Variants in ZDHHC15 observed in about 807,000 individuals in gnomAD.
ZDHHC15 encodes the protein palmitoyltransferase ZDHHC15.
In ZDHHC15, 19 loss-of-function variants were observed where a neutral mutation model predicts 31.7. The ratio of observed to expected loss-of-function variants is 0.60; its 90% CI spans 0.42 to 0.88. The LOEUF is 0.88. ZDHHC15 is among the 40% of genes least tolerant of loss of function. ZDHHC15 has a pLI of 0.00. For synonymous variants in ZDHHC15, 103 were observed against 90.0 expected (o/e 1.14, Z -0.82); for missense variants, 209 against 251.2 (o/e 0.83, Z 1.14).
intron 10 of ZDHHC15, among the ~76,000 whole-genome samples, chrX:75,412,083 T>G (rs2083491074): frequency 8.9e-6 from 1 of 112,015 alleles, no homozygotes; most frequent in South Asian, 3.7e-4. Context: ...GATATCACCT[T>G]CCACCAGTTA....
At chrX:75,506,400 C>G (rs954245649) in intron 1 of ZDHHC15, among the ~76,000 whole-genome samples, 1 of 111,422 alleles carries the variant, frequency 9.0e-6, no homozygotes, top group Non-Finnish European at 1.9e-5. Context: ...TTTCTTCAGG[C>G]CTTTCATCAG....
In ZDHHC15 at chrX:75,372,561, T is replaced by G. The variant is rs2083014537; in HGVS notation, c.*417A>C. ...CACACAAGCAGCAAATGTAGTTTGA[T>G]TCCCTTCAACACCAAAAAGGCCCTA... is the stretch of plus-strand genomic sequence containing the variant. On this transcript the variant is annotated 3_prime_UTR_variant, in exon 12 of 12. Coordinates refer to ENST00000373367, the MANE Select transcript of ZDHHC15 (RefSeq NM_144969.3). The G allele has an allele frequency of 9.0e-6, 1 of 111,729 alleles. No individual in the cohort carries two copies. The highest frequency in any genetic ancestry group is 3.2e-5 in the African/African-American group (1 of 30,773). The allele number at this position is 111,729 out of a possible 1,213,427, so 9.2% of individuals were successfully genotyped here. A position where few individuals can be genotyped will look rare whatever the true frequency, so the allele number is the denominator to read the frequency against.
intron 3 of ZDHHC15, among the ~76,000 whole-genome samples, chrX:75,455,628 G>T (rs1207797455): frequency 9.0e-6 from 1 of 111,418 alleles, no homozygotes; most frequent in Admixed American, 9.6e-5. Context: ...TCTGACAATG[G>T]GCTAATATCC....
intron 10 of ZDHHC15, among the ~76,000 whole-genome samples, chrX:75,403,382 C>A (rs1322135872): frequency 1.8e-5 from 2 of 111,743 alleles, no homozygotes; most frequent in Admixed American, 1.9e-4. Flanking sequence ...CTAGCCAAAA[C>A]AATCAGGAAA....
Position 75,446,570 on chromosome X carries a change from C to T in ZDHHC15, c.379+4232G>A, listed in dbSNP as rs1344774413. Among the ~76,000 whole-genome samples the T allele has an allele frequency of 2.4e-4, 27 of 112,183 alleles. 1 individual carries two copies. The Admixed American group carries it at 2.6e-3, about 11-fold the overall frequency. ...TTTGTATCTTGTGTGAACACTCACT[C>T]ATGGTTGATCACATGTTTTACTCCA... On this transcript the variant is annotated intron_variant, in intron 4 of 11. Transcript: ENST00000373367.
intron 10 of ZDHHC15, among the ~76,000 whole-genome samples, chrX:75,409,814 AAAAAAAC>A (rs2083464492): frequency 2.0e-5 from 2 of 99,887 alleles, no homozygotes; most frequent in African/African-American, 7.1e-5. Context: ...AAAAAAAAAA[AAAAAAAC>A]AACAACAACA....
intron 10 of ZDHHC15, chrX:75,384,240 T>A (rs190623921): frequency 2.0e-6 from 1 of 488,619 alleles, no homozygotes; most frequent in Admixed American, 2.9e-5. Context: ...ATGTGAAGAA[T>A]ACACTGGTAA....
chrX:75,377,408 A>G (rs1226776561), intron 11 of ZDHHC15, among the ~76,000 whole-genome samples: 1 of 109,835 alleles, frequency 9.1e-6, no homozygotes, highest in African/African-American at 3.3e-5. Context: ...AGGCAGAAGA[A>G]TCACTTGAAC....
At chrX:75,442,367 G>A (rs747906535) in intron 4 of ZDHHC15, among the ~76,000 whole-genome samples, 22 of 111,756 alleles carry the variant, frequency 2.0e-4, no homozygotes, top group African/African-American at 6.5e-4. Flanking sequence ...CAAATTGTCC[G>A]TGTTTGCAGA....
At position 75,475,532 on chromosome X, in the gene ZDHHC15, T is replaced by C. The variant is rs2084590869; in HGVS notation, c.258+3359A>G. On this transcript the variant is annotated intron_variant, in intron 3 of 11. Transcript: ENST00000373367. ...GTTGTTGAAGATTTCTGACCAAATA[T>C]GCAAGTGTTTGTTGTTGGGCTCTTT... Among the ~76,000 whole-genome samples the C allele has an allele frequency of 3.6e-5, 4 of 112,255 alleles. No homozygotes were observed. The South Asian group carries it at 1.5e-3, about 41-fold the overall frequency.
intron 10 of ZDHHC15, among the ~76,000 whole-genome samples, chrX:75,403,328 G>A (rs2083377180): frequency 8.9e-6 from 1 of 111,886 alleles, no homozygotes; most frequent in South Asian, 3.7e-4. Flanking sequence ...ACAAGACAAG[G>A]TTGTCCTCTC....
intron 3 of ZDHHC15, among the ~76,000 whole-genome samples, chrX:75,468,966 C>T (rs755600754): frequency 9.8e-5 from 11 of 111,737 alleles, no homozygotes; most frequent in Admixed American, 9.5e-5. Context: ...ACACTTGACA[C>T]ATCAGATACA....
At chrX:75,519,728 C>T (rs929403846) in intron 1 of ZDHHC15, among the ~76,000 whole-genome samples, 3 of 111,762 alleles carry the variant, frequency 2.7e-5, no homozygotes, top group Non-Finnish European at 5.6e-5. Flanking sequence ...TATCAGGCAG[C>T]CTGGATTTCC....
intron 1 of ZDHHC15, among the ~76,000 whole-genome samples, chrX:75,513,357 C>T (rs2085305038): frequency 8.9e-6 from 1 of 111,799 alleles, no homozygotes; most frequent in African/African-American, 3.3e-5. Flanking sequence ...GACTTACATC[C>T]CTCCTCAAAA....
chrX:75,505,631 G>T lies in ZDHHC15; in HGVS notation c.163+190C>A, dbSNP rs148323487. ...GATAATTTCCAATTCTTGCCCTACAGCCAAAGGGGACACTGAAAATGTTTT... is the reference window on the plus strand; with the variant it reads ...GATAATTTCCAATTCTTGCCCTACATCCAAAGGGGACACTGAAAATGTTTT... On this transcript the variant is annotated intron_variant, in intron 2 of 11. Transcript: ENST00000373367. 0.011 allele frequency among the ~76,000 whole-genome samples: 1,211 copies of T among 111,128 alleles called. 7 individuals carry two copies. The highest frequency in any genetic ancestry group is 0.032 in the Middle Eastern group (7 of 218).
chrX:75,374,681 G>GTA (rs1360426345), intron 11 of ZDHHC15, among the ~76,000 whole-genome samples: 4 of 93,376 alleles, frequency 4.3e-5, no homozygotes, highest in Non-Finnish European at 8.3e-5. Context: ...GTGTGTGTGT[G>GTA]TGTGTGTATA....
chrX:75,470,960 G>A (rs1334548508), intron 3 of ZDHHC15, among the ~76,000 whole-genome samples: 3 of 111,938 alleles, frequency 2.7e-5, no homozygotes, highest in Admixed American at 1.9e-4. Flanking sequence ...CAGATGCAGC[G>A]GTGGTGATTC....
chrX:75,509,461 G>A (rs997533177), intron 1 of ZDHHC15, among the ~76,000 whole-genome samples: 1 of 112,093 alleles, frequency 8.9e-6, no homozygotes, highest in Non-Finnish European at 1.9e-5. Flanking sequence ...CAGAATTAGT[G>A]GAGTTCAAAA....
intron 10 of ZDHHC15, among the ~76,000 whole-genome samples, chrX:75,392,623 A>G (rs761845711): frequency 2.7e-5 from 3 of 112,218 alleles, no homozygotes; most frequent in Non-Finnish European, 3.8e-5. Flanking sequence ...CCTTTGTACA[A>G]CTGCAACCGC....
Sources: allele counts gnomAD v4.1 joint callset (sites outside exome capture counted in the v4.1 genomes callset), GRCh38; gene constraint gnomAD v4.1.1; transcripts MANE v1.5; gene names NCBI Gene and HGNC (gene_info 2026-07-23, HGNC 2026-07-21).